CGGBP1: variants seen among roughly 807,000 people sequenced by gnomAD.
The protein encoded by CGGBP1 is CGG triplet repeat-binding protein 1.
Under a neutral mutation model 11.4 loss-of-function variants are expected in CGGBP1, and 4 were observed. The ratio of observed to expected loss-of-function variants is 0.35; its 90% confidence interval spans 0.17 to 0.80. The LOEUF is 0.80. Among genes scored for constraint, CGGBP1 ranks in the 30% least tolerant of loss-of-function variants. The probability of loss-of-function intolerance (pLI) is 0.52; values close to 1 mark genes in which losing one functional copy is unlikely to be tolerated. For synonymous variants in CGGBP1, 76 were observed against 74.1 expected, an observed-to-expected ratio of 1.03 and a Z score of -0.13; for missense variants, 135 against 202.1, an observed-to-expected ratio of 0.67 and a Z score of 2.01.
At chr3:88,143,177 A>G (rs1273750066) in intron 1 of CGGBP1, 2 of 152,280 alleles carry the variant, frequency 1.3e-5, no homozygotes, top group Admixed American at 6.6e-5. Context: ...TCCAGGTAGC[A>G]TCCATATTTT....
intron 2 of CGGBP1, among the ~76,000 whole-genome samples, chr3:88,073,141 T>G (rs1313804054): frequency 6.6e-6 from 1 of 152,098 alleles, no homozygotes; most frequent in African/African-American, 2.4e-5. Context: ...AGACCAACAG[T>G]ATGAGCATCA....
rs1706489353 is a variant in CGGBP1 at position 88,054,178 on chromosome 3, T to C, written c.*1295A>G. 1 of 152,622 alleles carries C rather than the reference T, an allele frequency of 6.6e-6. No homozygotes were observed. Among genetic ancestry groups the C allele is most frequent in the Non-Finnish European group, 1.5e-5 (1 of 68,018 alleles). The allele number at this position is 152,622 out of a possible 1,614,324, so 9.5% of individuals were successfully genotyped here. A position where few individuals can be genotyped will look rare whatever the true frequency, so the allele number is the denominator to read the frequency against. On this transcript the variant is annotated 3_prime_UTR_variant, in exon 4 of 4. Transcript: ENST00000482016. ...TTGTAATAGAAATATATAAGTATTTTTAACTTGAATTTCAAAGAATTTAAG... is the reference window on the plus strand; with the variant it reads ...TTGTAATAGAAATATATAAGTATTTCTAACTTGAATTTCAAAGAATTTAAG...
upstream of CGGBP1, among the ~76,000 whole-genome samples, chr3:88,063,091 C>T (rs899798703): frequency 2.6e-5 from 4 of 152,130 alleles, no homozygotes; most frequent in Non-Finnish European, 4.4e-5. Flanking sequence ...CCTTAGGAGA[C>T]ATTTGGCAAT....
At chr3:88,140,340 G>A in intron 2 of CGGBP1, 1 of 1,613,534 alleles carries the variant, frequency 6.2e-7, no homozygotes, top group Non-Finnish European at 8.5e-7. Flanking sequence ...TGTTCAGACA[G>A]ACTCAAATCC....
chr3:88,068,204 T>C, intron 2 of CGGBP1, among the ~76,000 whole-genome samples: 1 of 152,012 alleles, frequency 6.6e-6, no homozygotes, highest in Non-Finnish European at 1.5e-5. Flanking sequence ...AGTATGTACC[T>C]TTGTTCATCA....
chr3:88,138,655 C>G (rs926721920), intron 2 of CGGBP1: 4 of 1,123,458 alleles, frequency 3.6e-6, no homozygotes, highest in Non-Finnish European at 3.4e-6. Flanking sequence ...ACTAGTATAA[C>G]CATTTTTTTG....
intron 2 of CGGBP1, among the ~76,000 whole-genome samples, chr3:88,087,138 G>T (rs1444926461): frequency 6.6e-6 from 1 of 152,018 alleles, no homozygotes; most frequent in East Asian, 1.9e-4. Context: ...GAGTGCAGTG[G>T]TGTGATCTTG....
At position 88,127,349 on chromosome 3, in the gene CGGBP1, T is replaced by C. The variant is rs1706171763; in HGVS notation, c.-229+13621A>G. ...GAAGGGATGGGAGGTGGGACAAGAC[T>C]AGGAGGATAGGGCTAAGGTATACGT... On this transcript the variant is annotated intron_variant, in intron 2 of 3. Transcript: ENST00000462901. 2.0e-5 allele frequency among the ~76,000 whole-genome samples: 3 copies of C among 151,818 alleles called. No individual in the cohort carries two copies. In the South Asian group the frequency reaches 6.2e-4, roughly 32 times the overall value.
At chr3:88,099,989 T>C (rs1352444569) in intron 2 of CGGBP1, among the ~76,000 whole-genome samples, 2 of 152,174 alleles carry the variant, frequency 1.3e-5, no homozygotes, top group Non-Finnish European at 2.9e-5. Context: ...CTAATTTAAC[T>C]AAAGAGCTTC....
rs72921690 is a variant in CGGBP1, at chr3:88,083,497, A to G, written c.-228-25274T>C. On this transcript the variant is annotated intron_variant, in intron 2 of 3. Coordinates refer to the CGGBP1 transcript ENST00000462901. ...TTTGGCATCAGCTTTGTCCTCTTCA[A>G]TTCCCTTTATATCATAGCGTGCTTC... 4.9e-3 allele frequency among the ~76,000 whole-genome samples: 751 copies of G among 152,274 alleles called. 7 individuals are homozygous for G. The highest frequency in any genetic ancestry group is 0.017 in the African/African-American group (719 of 41,546).
chr3:88,149,804 A>C (rs767363259), exon 1 of CGGBP1: 3 of 496,052 alleles, frequency 6.0e-6, no homozygotes, highest in Non-Finnish European at 1.1e-5. Flanking sequence ...TTCTCCATAT[A>C]AACCCAGCAC....
At chr3:88,071,019 A>G (rs1330013010) in intron 2 of CGGBP1, among the ~76,000 whole-genome samples, 1 of 152,206 alleles carries the variant, frequency 6.6e-6, no homozygotes, top group African/African-American at 2.4e-5. Flanking sequence ...GAGAGTTGTG[A>G]GAATGTTAAA....
chr3:88,121,269 CA>C (rs1272408666), intron 2 of CGGBP1, among the ~76,000 whole-genome samples: 7 of 152,058 alleles, frequency 4.6e-5, no homozygotes, highest in Non-Finnish European at 1.0e-4. Flanking sequence ...CCACTTTTAA[CA>C]ATGAATTAAA....
chr3:88,071,066 C>T (rs944368057), intron 2 of CGGBP1, among the ~76,000 whole-genome samples: 7 of 152,136 alleles, frequency 4.6e-5, no homozygotes, highest in African/African-American at 1.7e-4. Flanking sequence ...ACTTTGATTT[C>T]CTGCATATCA....
At chr3:88,121,675 A>G (rs1320208553) in intron 2 of CGGBP1, among the ~76,000 whole-genome samples, 1 of 152,284 alleles carries the variant, frequency 6.6e-6, no homozygotes, top group East Asian at 1.9e-4. Flanking sequence ...TGAGATAACC[A>G]ATCAATGTGT....
intron 2 of CGGBP1, among the ~76,000 whole-genome samples, chr3:88,079,981 T>TCCATTAC (rs1707998639): frequency 6.6e-6 from 1 of 152,088 alleles, no homozygotes; most frequent in Non-Finnish European, 1.5e-5. Flanking sequence ...CTTTTAGATT[T>TCCATTAC]CCATTACATG....
At chr3:88,129,335 A>C (rs1244245682) in intron 2 of CGGBP1, among the ~76,000 whole-genome samples, 2 of 150,906 alleles carry the variant, frequency 1.3e-5, no homozygotes, top group African/African-American at 4.8e-5. Context: ...AAAAAAAAAA[A>C]AAAAAAAAAA....
chr3:88,086,180 T>C (rs1343809941), intron 2 of CGGBP1: 1 of 1,368,456 alleles, frequency 7.3e-7, no homozygotes, highest in Admixed American at 2.3e-5. Context: ...ATTTATCCAG[T>C]AACTTTTATG....
intron 2 of CGGBP1, among the ~76,000 whole-genome samples, chr3:88,067,964 A>C (rs1446501983): frequency 1.3e-5 from 2 of 152,078 alleles, no homozygotes; most frequent in Non-Finnish European, 2.9e-5. Context: ...AAAGGAAGAT[A>C]CAAATCTACA....
Sources: allele counts gnomAD v4.1 joint callset (sites outside exome capture counted in the v4.1 genomes callset), GRCh38; gene constraint gnomAD v4.1.1; transcripts MANE v1.5; gene names NCBI Gene and HGNC (gene_info 2026-07-23, HGNC 2026-07-21).